The following RB1 variants were observed in gnomAD, a reference collection of about 807,000 sequenced individuals.
RB1 encodes the protein RB transcriptional corepressor 1.
RB1 carries 18 observed loss-of-function variants against 135.4 expected under a neutral mutation model. The observed-to-expected ratio is 0.13, with a 90% CI of 0.09 to 0.20. The LOEUF is 0.20. Among genes scored for constraint, RB1 ranks in the 10% least tolerant of loss-of-function variants. The pLI is 1.00. For missense variants in RB1, 868 were observed against 1,110.0 expected, an observed-to-expected ratio of 0.78 and a Z score of 3.10; for synonymous variants, 365 against 373.2, an observed-to-expected ratio of 0.98 and a Z score of 0.25.
intron 5 of RB1, among the ~76,000 whole-genome samples, chr13:48,348,080 G>A (rs751106384): frequency 1.2e-4 from 18 of 151,886 alleles, no homozygotes; most frequent in Admixed American, 6.6e-5. Flanking sequence ...CTAATAAGGT[G>A]GAATTGATTC....
intron 17 of RB1, among the ~76,000 whole-genome samples, chr13:48,406,048 A>G (rs1948736870): frequency 6.6e-6 from 1 of 152,046 alleles, no homozygotes; most frequent in Non-Finnish European, 1.5e-5. Flanking sequence ...TTGGACATCT[A>G]GGTGGTTTCC....
chr13:48,382,447 A>G (rs1450355615), intron 17 of RB1, among the ~76,000 whole-genome samples: 2 of 152,204 alleles, frequency 1.3e-5, no homozygotes, highest in Admixed American at 6.5e-5. Context: ...TCTGATGGCC[A>G]GTGATGATGA....
At chr13:48,329,790 G>T (rs75341411) in intron 2 of RB1, among the ~76,000 whole-genome samples, 3,023 of 152,212 alleles carry the variant, frequency 0.02, 41 homozygotes, top group Middle Eastern at 0.034. Context: ...AATAAGAATG[G>T]TTAGACAGCT....
intron 2 of RB1, chr13:48,318,053 TC>T: frequency 3.8e-6 from 2 of 532,766 alleles, no homozygotes; most frequent in Admixed American, 2.5e-5. Context: ...GCCCTGGCAT[TC>T]CCTGGGGAAA....
chr13:48,464,464 T>C (rs1949424277), intron 21 of RB1, among the ~76,000 whole-genome samples: 1 of 152,240 alleles, frequency 6.6e-6, no homozygotes, highest in Non-Finnish European at 1.5e-5. Flanking sequence ...CCTCTGTGTT[T>C]TTCCCTAAAA....
chr13:48,408,346 G>A (rs1948758191), intron 17 of RB1, among the ~76,000 whole-genome samples: 2 of 151,940 alleles, frequency 1.3e-5, no homozygotes, highest in Admixed American at 6.6e-5. Flanking sequence ...TCTAAGTTCA[G>A]AAATTATTAG....
At chr13:48,312,946 A>G (rs1485143966) in intron 2 of RB1, among the ~76,000 whole-genome samples, 2 of 152,130 alleles carry the variant, frequency 1.3e-5, no homozygotes, top group South Asian at 2.1e-4. Context: ...AGTAGCCTCC[A>G]TTGTAACACC....
chr13:48,446,134 T>G (rs1949285798), intron 17 of RB1, among the ~76,000 whole-genome samples: 1 of 151,890 alleles, frequency 6.6e-6, no homozygotes, highest in African/African-American at 2.4e-5. Context: ...ATTTTTATAT[T>G]TTTAGTGGAG....
intron 17 of RB1, chr13:48,408,585 GGGGAA>G (rs1426676798): frequency 6.6e-6 from 1 of 152,022 alleles, no homozygotes; most frequent in Non-Finnish European, 1.5e-5. Flanking sequence ...CTGAATAAAG[GGGGAA>G]GGGAAGAGAA....
chr13:48,424,284 C>T (rs1322415240), intron 17 of RB1, among the ~76,000 whole-genome samples: 2 of 152,168 alleles, frequency 1.3e-5, no homozygotes, highest in African/African-American at 2.4e-5. Context: ...GGTATCATTT[C>T]GAAGTGATTT....
At chr13:48,388,880 C>T (rs1439364877) in intron 17 of RB1, among the ~76,000 whole-genome samples, 3 of 152,098 alleles carry the variant, frequency 2.0e-5, no homozygotes, top group Non-Finnish European at 4.4e-5. Flanking sequence ...GAGAGACCGA[C>T]CAGGTGCAAT....
At chr13:48,476,479 G>A (rs2138358323) in intron 24 of RB1, 1 of 496,922 alleles carries the variant, frequency 2.0e-6, no homozygotes, top group South Asian at 2.1e-5. Context: ...GGAAAAGACA[G>A]GAGGATTTAC....
chr13:48,428,762 T>C (rs563573024), intron 17 of RB1, among the ~76,000 whole-genome samples: 1 of 152,246 alleles, frequency 6.6e-6, no homozygotes, highest in Non-Finnish European at 1.5e-5. Context: ...TACATAGTAA[T>C]GTGCCAAGTT....
chr13:48,422,594 G>A (rs1166034015), intron 17 of RB1: 1 of 152,040 alleles, frequency 6.6e-6, no homozygotes, highest in Non-Finnish European at 1.5e-5. Flanking sequence ...GAAATATAGT[G>A]TATCAGCTTT....
rs1424765095 is a variant in RB1 at position 48,479,984 on chromosome 13, C to A, written c.2714-14C>A. ...ACCATCAATGCTGTTAACAGTTCTT[C>A]ATCCTTTTTCCAGCTTCTACTCGAA... On this transcript the variant is annotated splice_polypyrimidine_tract_variant and intron_variant, in intron 26 of 26. Coordinates refer to ENST00000267163, the MANE Select transcript of RB1 (RefSeq NM_000321.3). 1 of 1,609,522 alleles carries A rather than the reference C, an allele frequency of 6.2e-7. No individual in the cohort carries two copies. Among genetic ancestry groups the A allele is most frequent in the Non-Finnish European group, 8.5e-7 (1 of 1,176,602 alleles).
intron 2 of RB1, chr13:48,328,543 C>G (rs892053741): frequency 2.7e-6 from 2 of 730,970 alleles, no homozygotes; most frequent in Non-Finnish European, 2.5e-6. Flanking sequence ...CTTCTCCTCT[C>G]CCGCCTTCCC....
chr13:48,366,363 G>A (rs1341821247), intron 9 of RB1, among the ~76,000 whole-genome samples: 3 of 152,066 alleles, frequency 2.0e-5, no homozygotes, highest in African/African-American at 7.2e-5. Flanking sequence ...ACTAAGGTAG[G>A]ACAGGAACAA....
intron 6 of RB1, among the ~76,000 whole-genome samples, chr13:48,351,245 G>C (rs1952544680): frequency 6.6e-6 from 1 of 152,088 alleles, no homozygotes; most frequent in Admixed American, 6.6e-5. Flanking sequence ...ACCAGTATCT[G>C]TTATTTTTTG....
chr13:48,385,089 A>T (rs28413751), intron 17 of RB1, among the ~76,000 whole-genome samples: 1 of 152,192 alleles, frequency 6.6e-6, no homozygotes, highest in Non-Finnish European at 1.5e-5. Flanking sequence ...ATATTTTTTC[A>T]ATAAATGTTT....
Sources: allele counts gnomAD v4.1 joint callset (sites outside exome capture counted in the v4.1 genomes callset), GRCh38; gene constraint gnomAD v4.1.1; transcripts MANE v1.5; gene names NCBI Gene and HGNC (gene_info 2026-07-23, HGNC 2026-07-21).